The following NEO1 variants were observed in gnomAD, a reference collection of about 807,000 sequenced individuals.
NEO1 encodes neogenin 1.
In NEO1, 63 loss-of-function variants were observed where a neutral mutation model predicts 159.7. The ratio of observed to expected loss-of-function variants is 0.39; its 90% confidence interval spans 0.32 to 0.49. The LOEUF is 0.49. Ranked by LOEUF, NEO1 falls within the 20% of genes least tolerant of loss-of-function variation. The probability of loss-of-function intolerance (pLI) is 0.85; values close to 1 mark genes in which losing one functional copy is unlikely to be tolerated. For synonymous variants in NEO1, 633 were observed against 662.0 expected, an observed-to-expected ratio of 0.96 and a Z score of 0.67; for missense variants, 1,615 against 1,831.0, an observed-to-expected ratio of 0.88 and a Z score of 2.15.
At chr15:73,160,038 AT>A (rs1335972820) in intron 5 of NEO1, among the ~76,000 whole-genome samples, 5 of 151,624 alleles carry the variant, frequency 3.3e-5, no homozygotes, top group Admixed American at 2.0e-4. Context: ...TTTATTTGTA[AT>A]TTTTTTCTTA....
At chr15:73,246,241 G>T (rs916147942) in intron 9 of NEO1, among the ~76,000 whole-genome samples, 2 of 152,190 alleles carry the variant, frequency 1.3e-5, no homozygotes, top group African/African-American at 4.8e-5. Flanking sequence ...TAAAGAAGGA[G>T]CAGGCAAGGT....
intron 4 of NEO1, among the ~76,000 whole-genome samples, chr15:73,128,879 A>G (rs2030702558): frequency 6.6e-6 from 1 of 152,222 alleles, no homozygotes; most frequent in South Asian, 2.1e-4. Flanking sequence ...ATTTTTAACT[A>G]AATCAAATGT....
chr15:73,080,312 G>A lies in NEO1; in HGVS notation c.130+27507G>A, dbSNP rs2151378259. Among the ~76,000 whole-genome samples the A allele has an allele frequency of 1.3e-5, 2 of 152,184 alleles. 1 individual carries two copies. Among genetic ancestry groups the A allele is most frequent in the South Asian group, 4.2e-4 (2 of 4,810 alleles). On this transcript the variant is annotated intron_variant, in intron 1 of 28. Coordinates refer to ENST00000261908, the MANE Select transcript of NEO1 (RefSeq NM_002499.4). ...CTTTCTTTTATTGAATGGAATTGGT[G>A]TACTAGTTGTTTTATTTAACAAACA...
In NEO1 at chr15:73,130,306, C is replaced by A. The variant is rs1281865423; in HGVS notation, c.878+3736C>A. On this transcript the variant is annotated intron_variant, in intron 4 of 28. Transcript: ENST00000261908. ...TGGTTAGTTCTGTGGGCTCAGTTTC[C>A]CGCCCCCCCCGCCGCATAAGACCCT... is the stretch of plus-strand genomic sequence containing the variant. 5.0e-5 allele frequency among the ~76,000 whole-genome samples: 6 copies of A among 119,382 alleles called. 1 individual carries two copies. 78.3% of individuals were successfully genotyped at this position (119,382 alleles called of 152,430 possible).
At chr15:73,290,659 A>G (rs1218114255) in intron 25 of NEO1, among the ~76,000 whole-genome samples, 1 of 152,232 alleles carries the variant, frequency 6.6e-6, no homozygotes, top group Non-Finnish European at 1.5e-5. Context: ...TAAACCAGAA[A>G]GCAGTGGGAC....
chr15:73,135,413 G>A (rs962485911), intron 4 of NEO1, among the ~76,000 whole-genome samples: 2 of 152,112 alleles, frequency 1.3e-5, no homozygotes, highest in African/African-American at 4.8e-5. Flanking sequence ...ACTTTCAGTA[G>A]GCACTGTGAC....
At chr15:73,295,212 G>C (rs2151160210) in intron 26 of NEO1, among the ~76,000 whole-genome samples, 1 of 150,212 alleles carries the variant, frequency 6.7e-6, no homozygotes, top group Non-Finnish European at 1.5e-5. Flanking sequence ...AGGAAAGACG[G>C]TTTCCAAGAT....
intron 7 of NEO1, among the ~76,000 whole-genome samples, chr15:73,213,085 T>C (rs899342655): frequency 1.3e-5 from 2 of 152,178 alleles, no homozygotes; most frequent in African/African-American, 4.8e-5. Flanking sequence ...CTGTACCATA[T>C]GTATTATTTT....
chr15:73,062,421 T>A (rs547449370), intron 1 of NEO1, among the ~76,000 whole-genome samples: 1 of 152,310 alleles, frequency 6.6e-6, no homozygotes, highest in Admixed American at 6.5e-5. Context: ...ATTTAAAACT[T>A]TATAATTTGT....
intron 4 of NEO1, among the ~76,000 whole-genome samples, chr15:73,127,059 G>A (rs532329091): frequency 1.2e-4 from 18 of 152,006 alleles, no homozygotes; most frequent in South Asian, 2.1e-4. Flanking sequence ...GTGAAACCCC[G>A]TCTCTACTAA....
chr15:73,109,424 A>T (rs555740409), intron 1 of NEO1, among the ~76,000 whole-genome samples: 72 of 152,320 alleles, frequency 4.7e-4, no homozygotes, highest in African/African-American at 1.7e-3. Flanking sequence ...GGATTCAAAA[A>T]TATGTCTGCC....
At chr15:73,236,318 A>G (rs1448856867) in intron 7 of NEO1, 29 bp from the exon 8 acceptor site, 3 of 1,613,848 alleles carry the variant, frequency 1.9e-6, no homozygotes, top group Non-Finnish European at 2.5e-6. Flanking sequence ...CTCCCACTTC[A>G]CTGACCAGTG....
At chr15:73,093,753 A>AT (rs2069835517) in intron 1 of NEO1, among the ~76,000 whole-genome samples, 1 of 151,706 alleles carries the variant, frequency 6.6e-6, no homozygotes, top group Non-Finnish European at 1.5e-5. Context: ...AATTTTTTGT[A>AT]TTTTTTGTAG....
intron 7 of NEO1, among the ~76,000 whole-genome samples, chr15:73,212,756 CA>C (rs11418062): frequency 2.0e-5 from 3 of 146,776 alleles, no homozygotes; most frequent in South Asian, 2.2e-4. Flanking sequence ...GGAAACAGCC[CA>C]AAAAAAAAGG....
chr15:73,302,387 G>A lies in NEO1; in HGVS notation c.4303-226G>A, dbSNP rs138364771. Among the ~76,000 whole-genome samples the A allele has an allele frequency of 2.0e-5, 3 of 152,322 alleles. No homozygotes were observed. The East Asian group carries it at 5.8e-4, about 29-fold the overall frequency. ...CCTGTGAAGTCATTGTGACCCTGGG[G>A]AGTATGTGTTGGGAGAAAGGCATTG... On this transcript the variant is annotated intron_variant, in intron 28 of 28. Coordinates refer to ENST00000261908, the MANE Select transcript of NEO1 (RefSeq NM_002499.4).
At chr15:73,125,414 T>C (rs2030065227) in intron 3 of NEO1, among the ~76,000 whole-genome samples, 1 of 152,240 alleles carries the variant, frequency 6.6e-6, no homozygotes. Context: ...TGATTGGCTT[T>C]CAAAGCCACA....
chr15:73,070,277 C>T (rs1206270330), intron 1 of NEO1, among the ~76,000 whole-genome samples: 2 of 152,030 alleles, frequency 1.3e-5, no homozygotes, highest in Non-Finnish European at 2.9e-5. Context: ...CACTTGATGC[C>T]AGATTTTCAG....
chr15:73,208,530 C>CT (rs2037364761), intron 7 of NEO1, among the ~76,000 whole-genome samples: 2 of 152,166 alleles, frequency 1.3e-5, no homozygotes, highest in Admixed American at 1.3e-4. Flanking sequence ...TCTAAAGCTT[C>CT]TTTTTTACCT....
rs752539269 is a variant in NEO1 at position 73,253,363 on chromosome 15, T to TA, written c.1895-27dup. 2,113 of 1,333,786 alleles carry TA rather than the reference T, an allele frequency of 1.6e-3. 1 individual carries two copies. Among genetic ancestry groups the TA allele is most frequent in the South Asian group, 6.3e-3 (445 of 70,532 alleles). 82.6% of individuals were successfully genotyped at this position (1,333,786 alleles called of 1,614,324 possible). On this transcript the variant is annotated intron_variant, in intron 11 of 28. Transcript: ENST00000261908. ...ACATGATGGGTGATGTATGGGTGATTAAAAAAAAAATTTTTTTTTTTTTTT... is the reference window on the plus strand; with the variant it reads ...ACATGATGGGTGATGTATGGGTGATTAAAAAAAAAAATTTTTTTTTTTTTTT...
Sources: allele counts gnomAD v4.1 joint callset (sites outside exome capture counted in the v4.1 genomes callset), GRCh38; gene constraint gnomAD v4.1.1; transcripts MANE v1.5; gene names NCBI Gene and HGNC (gene_info 2026-07-23, HGNC 2026-07-21).